DRGX: variants seen among roughly 807,000 people sequenced by gnomAD.
The protein encoded by DRGX is dorsal root ganglia homeobox.
A neutral mutation model predicts 28.6 loss-of-function variants in DRGX; 21 were observed. The observed-to-expected ratio is 0.73, with a 90% CI of 0.52 to 1.06. The LOEUF (loss-of-function observed/expected upper bound fraction) is 1.06, where lower values mean the gene tolerates loss of function less well. Ranked by LOEUF, DRGX falls within the 50% of genes least tolerant of loss-of-function variation. DRGX has a pLI of 0.00. For missense variants in DRGX, 354 were observed against 343.9 expected (o/e 1.03, Z -0.23); for synonymous variants, 136 against 139.1 (o/e 0.98, Z 0.16).
At chr10:49,376,492 G>T (rs562154593) in intron 6 of DRGX, among the ~76,000 whole-genome samples, 2 of 152,286 alleles carry the variant, frequency 1.3e-5, no homozygotes, top group South Asian at 2.1e-4. Context: ...ACTCTCCCAT[G>T]GGAGAGTAAA....
intron 6 of DRGX, among the ~76,000 whole-genome samples, chr10:49,371,056 C>G (rs956258618): frequency 6.6e-6 from 1 of 152,228 alleles, no homozygotes; most frequent in African/African-American, 2.4e-5. Context: ...TCGGCACATA[C>G]ACATGTTAAC....
At position 49,392,397 on chromosome 10, in the gene DRGX, A is replaced by G. The variant is rs552633512; in HGVS notation, c.35-1136T>C. Among the ~76,000 whole-genome samples the G allele has an allele frequency of 2.0e-5, 3 of 152,372 alleles. No homozygotes were observed. The South Asian group carries it at 6.2e-4, about 32-fold the overall frequency. Reference sequence around the variant, plus strand: ...TTGCCAAACACCCTGACTCTCTGCTAAAGCGTTCTCCTTCCATCTTCCTGT... The same window carrying G: ...TTGCCAAACACCCTGACTCTCTGCTGAAGCGTTCTCCTTCCATCTTCCTGT... On this transcript the variant is annotated intron_variant, in intron 2 of 6. Coordinates refer to ENST00000374139, the MANE Select transcript of DRGX (RefSeq NM_001276451.2).
rs1242863628 is a variant in DRGX at position 49,386,689 on chromosome 10, G to A, written c.404C>T (p.Ala135Val). 1.3e-6 allele frequency: 2 copies of A among 1,577,322 alleles called. No individual in the cohort carries two copies. The highest frequency in any genetic ancestry group is 1.4e-5 in the African/African-American group (1 of 73,752). ...AGACCCACAGCCTCACCTCTGCTGG[G>A]CCTCCAGCGCCTCCTTCTTACTCCG... ...QARSKKEALE[A>V]QQSLGRTVGP... is the part of the protein sequence containing the mutation. The change falls in exon 5 of 7, where the codon GCC becomes GTC. Residue 135 changes from alanine to valine, a missense_variant. Physicochemically the swap from Ala to Val is moderately conservative, Grantham distance 64 (BLOSUM62 0). Transcript: ENST00000374139.
chr10:49,390,770 G>A (rs1277637809), intron 3 of DRGX, among the ~76,000 whole-genome samples: 1 of 152,078 alleles, frequency 6.6e-6, no homozygotes, highest in Non-Finnish European at 1.5e-5. Flanking sequence ...CCTTCCACTT[G>A]TGGGCAACTA....
At chr10:49,367,565 G>A (rs1849614207) in intron 6 of DRGX, among the ~76,000 whole-genome samples, 1 of 152,174 alleles carries the variant, frequency 6.6e-6, no homozygotes, top group African/African-American at 2.4e-5. Context: ...ATGAACTGAG[G>A]TCTGAGAACC....
At chr10:49,374,911 T>A (rs1253002640) in intron 6 of DRGX, among the ~76,000 whole-genome samples, 1 of 152,250 alleles carries the variant, frequency 6.6e-6, no homozygotes, top group Non-Finnish European at 1.5e-5. Flanking sequence ...CATGGATTTA[T>A]GAGACGTCTA....
chr10:49,369,151 T>C (rs1849628983), intron 6 of DRGX, among the ~76,000 whole-genome samples: 1 of 152,210 alleles, frequency 6.6e-6, no homozygotes, highest in Admixed American at 6.5e-5. Flanking sequence ...AGCCTACAGC[T>C]GCTAGGTCAC....
chr10:49,384,681 C>A (rs528753717), intron 6 of DRGX, among the ~76,000 whole-genome samples: 3 of 152,288 alleles, frequency 2.0e-5, no homozygotes, highest in Admixed American at 2.0e-4. Flanking sequence ...CTGTCCGCAC[C>A]AGCCTCTGTC....
At chr10:49,379,200 A>T (rs973414041) in intron 6 of DRGX, among the ~76,000 whole-genome samples, 1 of 152,206 alleles carries the variant, frequency 6.6e-6, no homozygotes, top group African/African-American at 2.4e-5. Context: ...CAGAATGCCT[A>T]CTTCAGTGGT....
chr10:49,383,487 G>T (rs901526875), intron 6 of DRGX, among the ~76,000 whole-genome samples: 1 of 152,178 alleles, frequency 6.6e-6, no homozygotes, highest in Non-Finnish European at 1.5e-5. Context: ...CCCCCTTACA[G>T]CCTGTCACAA....
intron 6 of DRGX, among the ~76,000 whole-genome samples, chr10:49,374,772 T>C (rs1252933566): frequency 6.6e-6 from 1 of 152,244 alleles, no homozygotes; most frequent in Non-Finnish European, 1.5e-5. Context: ...CTGTCTCGTC[T>C]CTGCCAATAG....
At chr10:49,379,147 G>A (rs1463434066) in intron 6 of DRGX, among the ~76,000 whole-genome samples, 1 of 152,154 alleles carries the variant, frequency 6.6e-6, no homozygotes, top group East Asian at 1.9e-4. Context: ...AACACTTCTG[G>A]TCCAACCACT....
At chr10:49,395,348 C>G in intron 2 of DRGX, 59 bp downstream of exon 2, 1 of 1,542,584 alleles carries the variant, frequency 6.5e-7, no homozygotes. Flanking sequence ...TGCTGCCGCT[C>G]CGGCCCTTTC....
chr10:49,383,384 A>G (rs1199888570), intron 6 of DRGX, among the ~76,000 whole-genome samples: 1 of 152,172 alleles, frequency 6.6e-6, no homozygotes, highest in Admixed American at 6.5e-5. Context: ...GGGCCATGGA[A>G]GGGGAAGGTG....
intron 6 of DRGX, among the ~76,000 whole-genome samples, chr10:49,378,001 A>G (rs1036733307): frequency 3.3e-5 from 5 of 152,210 alleles, no homozygotes; most frequent in Non-Finnish European, 7.3e-5. Context: ...ATGTAAAAAG[A>G]ATAGCATGTC....
intron 2 of DRGX, among the ~76,000 whole-genome samples, chr10:49,393,038 T>C (rs560546183): frequency 4.9e-4 from 74 of 152,202 alleles, no homozygotes; most frequent in African/African-American, 1.7e-3. Context: ...AAAATGTAAG[T>C]ACACATACAG....
intron 6 of DRGX, among the ~76,000 whole-genome samples, chr10:49,369,777 T>G (rs1849635303): frequency 1.5e-5 from 2 of 131,976 alleles, no homozygotes; most frequent in African/African-American, 2.5e-5. Context: ...AAATAAGATT[T>G]TTTTTTTTTT....
intron 6 of DRGX, among the ~76,000 whole-genome samples, chr10:49,378,259 A>T (rs1016040519): frequency 1.6e-4 from 24 of 152,226 alleles, no homozygotes; most frequent in African/African-American, 5.8e-4. Flanking sequence ...CTTTAAAAAA[A>T]AAGGCAGCAA....
intron 1 of DRGX, 131 bp from the exon 2 acceptor site, chr10:49,395,652 G>C: frequency 1.6e-6 from 1 of 629,836 alleles, no homozygotes; most frequent in Non-Finnish European, 2.8e-6. Flanking sequence ...GGGGACAGGA[G>C]GGAAGGCGGC....
Sources: gnomAD v4.1 joint callset for allele counts (sites outside exome capture counted in the v4.1 genomes callset) on GRCh38, gnomAD v4.1.1 for gene constraint, MANE v1.5 for transcripts, NCBI Gene and HGNC (gene_info 2026-07-23, HGNC 2026-07-21) for gene names.